Variants in PIP5K1B observed in about 807,000 individuals in gnomAD.
PIP5K1B encodes the protein phosphatidylinositol 4-phosphate 5-kinase type-1 beta.
In PIP5K1B, 42 loss-of-function variants were observed where a neutral mutation model predicts 67.0. The observed-to-expected ratio is 0.63, with a 90% CI of 0.49 to 0.81. The LOEUF (loss-of-function observed/expected upper bound fraction) is 0.81, where lower values mean the gene tolerates loss of function less well. PIP5K1B is among the 30% of genes least tolerant of loss of function. The probability of loss-of-function intolerance (pLI) is 0.00; values close to 1 mark genes in which losing one functional copy is unlikely to be tolerated. For synonymous variants in PIP5K1B, 214 were observed against 231.4 expected, an observed-to-expected ratio of 0.92 and a Z score of 0.68; for missense variants, 459 against 646.3, an observed-to-expected ratio of 0.71 and a Z score of 3.14.
At chr9:68,758,215 C>T (rs538789594) in intron 2 of PIP5K1B, among the ~76,000 whole-genome samples, 4 of 152,070 alleles carry the variant, frequency 2.6e-5, no homozygotes, top group African/African-American at 9.6e-5. Context: ...AGGATACAAC[C>T]GAGAATTACT....
intron 1 of PIP5K1B, chr9:68,740,019 C>T (rs1223487545): frequency 1.3e-5 from 2 of 152,372 alleles, no homozygotes; most frequent in African/African-American, 4.8e-5. Context: ...ACCTCACTAC[C>T]TGTGGCCATT....
At chr9:68,794,045 G>A (rs1358719092) in intron 2 of PIP5K1B, among the ~76,000 whole-genome samples, 1 of 152,228 alleles carries the variant, frequency 6.6e-6, no homozygotes, top group Non-Finnish European at 1.5e-5. Flanking sequence ...TGTGTCAGTT[G>A]CAGCTGATCT....
At chr9:69,007,314 A>G (rs1350564336) in intron 15 of PIP5K1B, among the ~76,000 whole-genome samples, 1 of 152,170 alleles carries the variant, frequency 6.6e-6, no homozygotes. Context: ...GCTGAGCTGC[A>G]CCAGTCTCTG....
intron 2 of PIP5K1B, among the ~76,000 whole-genome samples, chr9:68,769,011 C>T (rs891769625): frequency 9.8e-5 from 15 of 152,322 alleles, no homozygotes; most frequent in African/African-American, 2.2e-4. Flanking sequence ...GGAAAAGCCA[C>T]GGAAGCATTT....
At chr9:68,855,755 C>T (rs1202855280) in intron 4 of PIP5K1B, among the ~76,000 whole-genome samples, 1 of 152,132 alleles carries the variant, frequency 6.6e-6, no homozygotes, top group Non-Finnish European at 1.5e-5. Flanking sequence ...AATCACTTTC[C>T]TGCCTATAAT....
chr9:68,706,683 C>T (rs1163922248), intron 1 of PIP5K1B, among the ~76,000 whole-genome samples: 5 of 152,190 alleles, frequency 3.3e-5, no homozygotes, highest in Non-Finnish European at 7.4e-5. Context: ...GTGACATTCT[C>T]AGATGCAGGA....
At chr9:68,746,570 C>T (rs12379662) in intron 2 of PIP5K1B, among the ~76,000 whole-genome samples, 18,877 of 152,122 alleles carry the variant, frequency 0.12, 1,251 homozygotes, top group Non-Finnish European at 0.16. Flanking sequence ...AGGTGCCACC[C>T]CATGTTACAG....
chr9:68,930,657 A>G (rs1826952828), intron 12 of PIP5K1B, among the ~76,000 whole-genome samples: 1 of 151,656 alleles, frequency 6.6e-6, no homozygotes, highest in African/African-American at 2.4e-5. Flanking sequence ...CCCATCATGT[A>G]CCCATTCAAT....
intron 5 of PIP5K1B, among the ~76,000 whole-genome samples, chr9:68,868,198 T>C (rs1388147243): frequency 6.6e-6 from 1 of 152,156 alleles, no homozygotes; most frequent in East Asian, 1.9e-4. Flanking sequence ...CCAAATTCTG[T>C]GTTGGGATCA....
At chr9:68,843,189 C>A (rs1233602792) in intron 4 of PIP5K1B, 1 of 152,218 alleles carries the variant, frequency 6.6e-6, no homozygotes, top group Non-Finnish European at 1.5e-5. Flanking sequence ...TTTACACAAG[C>A]AGCCCCAGTC....
intron 5 of PIP5K1B, among the ~76,000 whole-genome samples, chr9:68,875,295 CAAAAAAAAAAAAAAAAAA>C (rs147022066): frequency 4.5e-5 from 2 of 44,844 alleles, no homozygotes; most frequent in Non-Finnish European, 7.3e-5. Flanking sequence ...TGGTACTCAG[CAAAAAAAAAAAAAAAAAA>C]AAAAAAAAAA....
rs576316898 is a variant in PIP5K1B, at chr9:68,960,409, T to G, written c.1502+19619T>G. 4.6e-5 allele frequency among the ~76,000 whole-genome samples: 7 copies of G among 152,316 alleles called. No homozygotes were observed. The South Asian group carries it at 1.4e-3, about 32-fold the overall frequency. On this transcript the variant is annotated intron_variant, in intron 14 of 15. Transcript: ENST00000265382. Reference sequence around the variant, plus strand: ...TTTTCAATCTGCATACTCAAGTCTTTCAGGTCTAGAAAATTTTCTTTTTTC... The same window carrying G: ...TTTTCAATCTGCATACTCAAGTCTTGCAGGTCTAGAAAATTTTCTTTTTTC...
chr9:68,826,321 C>G (rs1833976834), intron 4 of PIP5K1B, among the ~76,000 whole-genome samples: 1 of 152,142 alleles, frequency 6.6e-6, no homozygotes, highest in African/African-American at 2.4e-5. Context: ...GTAAACAGAA[C>G]CCACGCCTTC....
intron 7 of PIP5K1B, among the ~76,000 whole-genome samples, chr9:68,893,553 C>G (rs1199323699): frequency 6.6e-6 from 1 of 151,998 alleles, no homozygotes; most frequent in Admixed American, 6.6e-5. Context: ...AGGCTGGTCT[C>G]GAACTCCTGA....
Position 68,871,203 on chromosome 9 carries a change from T to C in PIP5K1B, c.201-5474T>C, listed in dbSNP as rs1347586414. On this transcript the variant is annotated intron_variant, in intron 5 of 15. Transcript: ENST00000265382. ...GTGTGAAGGCCTCATGTGGAAGTAATTGGGATATTTGGGCAGGGAGAAACC... is the reference window on the plus strand; with the variant it reads ...GTGTGAAGGCCTCATGTGGAAGTAACTGGGATATTTGGGCAGGGAGAAACC... 2.3e-4 allele frequency among the ~76,000 whole-genome samples: 35 copies of C among 152,170 alleles called. 1 individual carries two copies. Among genetic ancestry groups the C allele is most frequent in the Non-Finnish European group, 5.1e-4 (35 of 68,018 alleles).
intron 2 of PIP5K1B, among the ~76,000 whole-genome samples, chr9:68,774,324 C>G (rs778812231): frequency 3.3e-5 from 5 of 152,076 alleles, no homozygotes; most frequent in Non-Finnish European, 7.4e-5. Context: ...GTGTGTTTCT[C>G]TTTTCTCTCT....
At chr9:68,960,901 GTC>G (rs1195008813) in intron 14 of PIP5K1B, among the ~76,000 whole-genome samples, 1 of 152,138 alleles carries the variant, frequency 6.6e-6, no homozygotes, top group Non-Finnish European at 1.5e-5. Flanking sequence ...ATCGTTGGTT[GTC>G]TGTTCGTACT....
intron 12 of PIP5K1B, among the ~76,000 whole-genome samples, chr9:68,932,236 C>G (rs71503646): frequency 2.6e-5 from 4 of 152,046 alleles, no homozygotes; most frequent in Non-Finnish European, 4.4e-5. Flanking sequence ...GCTGTTTCTT[C>G]GTTTAGAGAA....
rs113802660 is a variant in PIP5K1B, at chr9:68,780,128, C to T, written c.-86+37471C>T. ...CTGCGGGGAATGGGAATCCTAGGTC[C>T]CTGACTGAGCACCTCCCCCGCCTCC... On this transcript the variant is annotated intron_variant, in intron 2 of 15. Transcript: ENST00000265382. The T allele has an allele frequency of 2.0e-4, 303 of 1,504,666 alleles. 1 individual carries two copies. In the African/African-American group the frequency reaches 3.7e-3, roughly 18 times the overall value. The allele number at this position is 1,504,666 out of a possible 1,614,324, so 93.2% of individuals were successfully genotyped here.
Sources: gnomAD v4.1 joint callset for allele counts (sites outside exome capture counted in the v4.1 genomes callset) on GRCh38, gnomAD v4.1.1 for gene constraint, MANE v1.5 for transcripts, NCBI Gene and HGNC (gene_info 2026-07-23, HGNC 2026-07-21) for gene names.